KCNK9: variants seen among roughly 807,000 people sequenced by gnomAD.
KCNK9 encodes the protein potassium channel subfamily K member 9.
In KCNK9, 1 loss-of-function variant was observed where a neutral mutation model predicts 10.8. The ratio of observed to expected loss-of-function variants is 0.09; its 90% CI spans 0.03 to 0.44. The LOEUF (loss-of-function observed/expected upper bound fraction) is 0.44. Among genes scored for constraint, KCNK9 ranks in the 20% least tolerant of loss-of-function variants. The probability of loss-of-function intolerance (pLI) is 0.97; values close to 1 mark genes in which losing one functional copy is unlikely to be tolerated. For missense variants in KCNK9, 303 were observed against 515.0 expected (o/e 0.59, Z 3.98); for synonymous variants, 231 against 222.7 (o/e 1.04, Z -0.33).
At chr8:139,674,999 C>T (rs1816518202) in intron 1 of KCNK9, among the ~76,000 whole-genome samples, 1 of 152,222 alleles carries the variant, frequency 6.6e-6, no homozygotes, top group Admixed American at 6.5e-5. Flanking sequence ...CTGTCACCCC[C>T]AGAAATAGCA....
chr8:139,604,811 G>C (rs1312325797), intron 2 of KCNK9, among the ~76,000 whole-genome samples: 3 of 152,226 alleles, frequency 2.0e-5, no homozygotes, highest in Non-Finnish European at 2.9e-5. Flanking sequence ...GGTAAGCAGG[G>C]AAAGAGGAGG....
At chr8:139,602,160 G>A (rs1057022411) in intron 2 of KCNK9, 6 of 152,300 alleles carry the variant, frequency 3.9e-5, no homozygotes, top group African/African-American at 1.4e-4. Flanking sequence ...TCATTGGCCA[G>A]AACTAATCAC....
intron 1 of KCNK9, among the ~76,000 whole-genome samples, chr8:139,647,139 G>A (rs1057470297): frequency 6.6e-6 from 1 of 152,232 alleles, no homozygotes; most frequent in Non-Finnish European, 1.5e-5. Flanking sequence ...TGGGCTCCGT[G>A]AGCATGGGCT....
chr8:139,670,037 G>A (rs577520660), intron 1 of KCNK9, among the ~76,000 whole-genome samples: 11 of 152,296 alleles, frequency 7.2e-5, no homozygotes, highest in Admixed American at 1.3e-4. Flanking sequence ...TGAGCAGTAG[G>A]TCTCAATATT....
At chr8:139,681,108 C>A (rs1443295964) in intron 1 of KCNK9, among the ~76,000 whole-genome samples, 3 of 152,338 alleles carry the variant, frequency 2.0e-5, no homozygotes, top group Non-Finnish European at 4.4e-5. Flanking sequence ...GCCCTCTGTG[C>A]ATTCATTCTG....
At chr8:139,655,674 C>T (rs886626874) in intron 1 of KCNK9, among the ~76,000 whole-genome samples, 15 of 152,198 alleles carry the variant, frequency 9.9e-5, no homozygotes, top group Non-Finnish European at 7.4e-5. Context: ...CTTAAGGTCG[C>T]ACATGTCTGA....
chr8:139,676,541 C>G (rs7837798), intron 1 of KCNK9, among the ~76,000 whole-genome samples: 13,767 of 152,302 alleles, frequency 0.09, 694 homozygotes, highest in East Asian at 0.18. Flanking sequence ...CTAGACCCAG[C>G]CTGCCCCTGA....
chr8:139,674,368 G>A (rs1816501905), intron 1 of KCNK9, among the ~76,000 whole-genome samples: 2 of 152,226 alleles, frequency 1.3e-5, no homozygotes, highest in African/African-American at 4.8e-5. Context: ...CAGGCTTCCA[G>A]CCTCTACTCT....
At chr8:139,663,010 C>A (rs1402664478) in intron 1 of KCNK9, among the ~76,000 whole-genome samples, 2 of 152,076 alleles carry the variant, frequency 1.3e-5, no homozygotes, top group Non-Finnish European at 2.9e-5. Context: ...CAGGGCAGCA[C>A]CCCTCCAGCC....
chr8:139,644,059 CTGGTT>C (rs1161544813), intron 1 of KCNK9, among the ~76,000 whole-genome samples: 2 of 152,146 alleles, frequency 1.3e-5, no homozygotes, highest in African/African-American at 2.4e-5. Context: ...AACTATAACT[CTGGTT>C]TGATTACTGT....
chr8:139,645,798 T>C, intron 1 of KCNK9, among the ~76,000 whole-genome samples: 1 of 152,100 alleles, frequency 6.6e-6, no homozygotes, highest in Non-Finnish European at 1.5e-5. Context: ...GAATCCACCA[T>C]CGCCTGGCCC....
In KCNK9 at chr8:139,617,439, A is replaced by C. The variant is rs1357160558; in HGVS notation, c.*819T>G. Among the ~76,000 whole-genome samples, 1 of 152,096 alleles carries C rather than the reference A, an allele frequency of 6.6e-6. No homozygotes were observed. The highest frequency in any genetic ancestry group is 2.4e-5 in the African/African-American group (1 of 41,406). On this transcript the variant is annotated 3_prime_UTR_variant, in exon 2 of 2. Coordinates refer to ENST00000520439, the MANE Select transcript of KCNK9 (RefSeq NM_001282534.2). ...TATTCCATTTCTAGTTTTTTTGTTGATAGCGCATACCAGTTTAACAAAGTG... is the reference window on the plus strand; with the variant it reads ...TATTCCATTTCTAGTTTTTTTGTTGCTAGCGCATACCAGTTTAACAAAGTG...
chr8:139,614,661 G>A (rs910328599), downstream of KCNK9, among the ~76,000 whole-genome samples: 1 of 152,160 alleles, frequency 6.6e-6, no homozygotes, highest in Non-Finnish European at 1.5e-5. Flanking sequence ...TCAGTCCTAC[G>A]TAAAAGAGTC....
chr8:139,629,030 C>T (rs1161472037), intron 1 of KCNK9, among the ~76,000 whole-genome samples: 16 of 152,332 alleles, frequency 1.1e-4, no homozygotes, highest in Non-Finnish European at 1.9e-4. Context: ...CGACTGCAGT[C>T]GGCCACTTTC....
At chr8:139,700,084 GA>G (rs200038560) in intron 1 of KCNK9, among the ~76,000 whole-genome samples, 5 of 150,566 alleles carry the variant, frequency 3.3e-5, no homozygotes, top group East Asian at 1.9e-4. Context: ...ATTAAAAAAA[GA>G]AAAAAAAACA....
intron 1 of KCNK9, among the ~76,000 whole-genome samples, chr8:139,656,226 T>C (rs1365992315): frequency 2.0e-5 from 3 of 152,150 alleles, no homozygotes; most frequent in African/African-American, 7.2e-5. Context: ...TGCAAGCAGC[T>C]TGGTCTTCAG....
At chr8:139,698,589 T>C (rs1286925223) in intron 1 of KCNK9, among the ~76,000 whole-genome samples, 1 of 152,190 alleles carries the variant, frequency 6.6e-6, no homozygotes, top group Non-Finnish European at 1.5e-5. Flanking sequence ...GCCCCTAGAC[T>C]GCACCCTGGA....
At chr8:139,610,481 G>C (rs1204399264), downstream of KCNK9, among the ~76,000 whole-genome samples, 1 of 152,214 alleles carries the variant, frequency 6.6e-6, no homozygotes, top group African/African-American at 2.4e-5. Flanking sequence ...AAAACCAGCA[G>C]AAGATTTCAT....
chr8:139,626,441 T>G (rs1380899929), intron 1 of KCNK9, among the ~76,000 whole-genome samples: 1 of 152,084 alleles, frequency 6.6e-6, no homozygotes, highest in Non-Finnish European at 1.5e-5. Context: ...AAGCTGAGCT[T>G]TGAATTCCCA....
Sources: allele counts gnomAD v4.1 joint callset (sites outside exome capture counted in the v4.1 genomes callset), GRCh38; gene constraint gnomAD v4.1.1; transcripts MANE v1.5; gene names NCBI Gene and HGNC (gene_info 2026-07-23, HGNC 2026-07-21).